The following HDGFL2 variants were observed in gnomAD, a reference collection of about 807,000 sequenced individuals.
The protein encoded by HDGFL2 is hepatoma-derived growth factor-related protein 2.
A neutral mutation model predicts 77.1 loss-of-function variants in HDGFL2; 36 were observed. That is an observed-to-expected ratio of 0.47 (90% CI 0.36 to 0.62). The LOEUF is 0.62. HDGFL2 is among the 20% of genes least tolerant of loss of function. The probability of loss-of-function intolerance (pLI) is 0.00; values close to 1 mark genes in which losing one functional copy is unlikely to be tolerated. For missense variants in HDGFL2, 976 were observed against 973.4 expected (o/e 1.00, Z -0.04); for synonymous variants, 463 against 413.1 (o/e 1.12, Z -1.46).
At chr19:4,493,243 A>C (rs1401141412) in intron 6 of HDGFL2, among the ~76,000 whole-genome samples, 1 of 67,960 alleles carries the variant, frequency 1.5e-5, no homozygotes, top group Admixed American at 1.8e-4. Flanking sequence ...TCTGTGTGGT[A>C]TGTGTGTTGT....
intron 11 of HDGFL2, 55 bp from the exon 12 acceptor site, chr19:4,498,251 G>C (rs1975761467): frequency 6.7e-7 from 1 of 1,497,614 alleles, no homozygotes; most frequent in African/African-American, 1.4e-5. Flanking sequence ...CCCTTGAACA[G>C]CTGGCCCCCT....
At chr19:4,499,455 A>C in intron 13 of HDGFL2, 36 bp from the exon 14 acceptor site, 2 of 1,597,090 alleles carry the variant, frequency 1.3e-6, no homozygotes, top group Non-Finnish European at 1.7e-6. Flanking sequence ...GGGCCGCTGC[A>C]CTTGGGTGAG....
chr19:4,492,849 T>TGATA (rs1555687380), intron 6 of HDGFL2, among the ~76,000 whole-genome samples: 38 of 148,412 alleles, frequency 2.6e-4, no homozygotes, highest in African/African-American at 5.0e-4. Context: ...GGTGTGTGTG[T>TGATA]TGTCTGTGTG....
intron 1 of HDGFL2, among the ~76,000 whole-genome samples, chr19:4,473,940 G>T (rs888966571): frequency 2.6e-5 from 4 of 151,950 alleles, no homozygotes; most frequent in Admixed American, 2.0e-4. Flanking sequence ...TGGCCGAGGG[G>T]ACCTTGGATG....
intron 3 of HDGFL2, among the ~76,000 whole-genome samples, chr19:4,478,763 C>T (rs1338667534): frequency 6.6e-6 from 1 of 151,704 alleles, no homozygotes; most frequent in Non-Finnish European, 1.5e-5. Flanking sequence ...CTCACTGCAA[C>T]CTCTGTCTCC....
chr19:4,491,593 G>T lies in HDGFL2; in HGVS notation c.517G>T (p.Ala173Ser), dbSNP rs1044962876. The T allele has an allele frequency of 3.1e-6, 5 of 1,613,760 alleles. No individual in the cohort carries two copies. In the African/African-American group the frequency reaches 5.3e-5, roughly 17 times the overall value. The change falls in exon 5 of 16, where the codon GCC becomes TCC. Residue 173 changes from alanine to serine, a missense_variant. Coordinates refer to ENST00000616600, the MANE Select transcript of HDGFL2 (RefSeq NM_001001520.3). ...GTCGGTCTCGAAACGAGCCCGAAAG[G>T]CCTCCAGCGACCTGGATCAGGCCAG... ...KMSVSKRARK[A>S]SSDLDQASVS...
At position 4,499,644 on chromosome 19, in the gene HDGFL2, G is replaced by C; in HGVS notation, c.1729G>C (p.Gly577Arg). 1.9e-6 allele frequency: 3 copies of C among 1,585,022 alleles called. No homozygotes were observed. Among genetic ancestry groups the C allele is most frequent in the Admixed American group, 1.8e-5 (1 of 55,100 alleles). Residue 577 changes from glycine (G) to arginine (R), a missense_variant, in exon 14 of 16, where the codon GGG becomes CGG. Gly to Arg is a moderately radical substitution (Grantham distance 125, BLOSUM62 -2). This residue lies in a region of HDGFL2 where 229 missense variants were observed against 187.3 expected (regional missense o/e 1.22). Transcript: ENST00000616600. ...EKEKAEEKLA[G>R]EELAGEEAPQ... is the part of the protein sequence containing the mutation. The stretch of plus-strand genomic sequence containing the variant: ...GGAGAAGGCCGAGGAGAAGCTGGCC[G>C]GGGAGGAGCTGGCCGGGGAGGAGGC...
At chr19:4,499,213 G>A (rs1424557459) in intron 13 of HDGFL2, among the ~76,000 whole-genome samples, 1 of 152,152 alleles carries the variant, frequency 6.6e-6, no homozygotes, top group African/African-American at 2.4e-5. Context: ...AGGTGTGGTG[G>A]CGCACGCCTG....
rs1425866998 is a variant in HDGFL2 at position 4,478,883 on chromosome 19, C to A, written c.288+3300C>A. On this transcript the variant is annotated intron_variant, in intron 3 of 15. Coordinates refer to ENST00000616600, the MANE Select transcript of HDGFL2 (RefSeq NM_001001520.3). ...GTATTTTTAGTAGAGACGGGTTTCA[C>A]CATATTGACCAGGCTGGTCTCGAAC... Among the ~76,000 whole-genome samples, 9 of 151,720 alleles carry A rather than the reference C, an allele frequency of 5.9e-5. No homozygotes were observed. In the East Asian group the frequency reaches 1.8e-3, roughly 30 times the overall value.
intron 3 of HDGFL2, among the ~76,000 whole-genome samples, chr19:4,484,820 C>T (rs1292055548): frequency 3.9e-5 from 6 of 151,980 alleles, no homozygotes; most frequent in East Asian, 3.9e-4. Context: ...TACAGGCACC[C>T]GCCACCATGC....
In HDGFL2 at chr19:4,496,675, G is replaced by T. The variant is rs375917360; in HGVS notation, c.1328+270G>T. Among the ~76,000 whole-genome samples, 11 of 152,182 alleles carry T rather than the reference G, an allele frequency of 7.2e-5. No homozygotes were observed. The East Asian group carries it at 1.7e-3, about 24-fold the overall frequency. On this transcript the variant is annotated intron_variant, in intron 10 of 15. Transcript: ENST00000616600. ...ACATCTGTGGTTGTCATGACTGGGG[G>T]GTGCTCCTGGCATGGAGCGGGTGGA...
At chr19:4,478,961 G>C (rs368676799) in intron 3 of HDGFL2, among the ~76,000 whole-genome samples, 28 of 151,904 alleles carry the variant, frequency 1.8e-4, no homozygotes, top group African/African-American at 6.5e-4. Context: ...GGGATTACAG[G>C]CGTGAGCCAC....
At chr19:4,472,990 T>G (rs1440446251) in intron 1 of HDGFL2, among the ~76,000 whole-genome samples, 1 of 147,680 alleles carries the variant, frequency 6.8e-6, no homozygotes, top group Non-Finnish European at 1.5e-5. Context: ...ATGAGGGTTT[T>G]GGGGCTCAGA....
intron 4 of HDGFL2, 143 bp downstream of exon 4, chr19:4,489,019 T>C (rs1975438149): frequency 7.8e-6 from 5 of 640,246 alleles, no homozygotes; most frequent in Non-Finnish European, 1.3e-5. Flanking sequence ...AGTGGCGTGA[T>C]CTCGACTCGC....
At position 4,498,310 on chromosome 19, in the gene HDGFL2, C is replaced by T. The variant is rs1406681343; in HGVS notation, c.1407C>T (p.Pro469=). 9 of 1,613,414 alleles carry T rather than the reference C, an allele frequency of 5.6e-6. No homozygotes were observed. The South Asian group carries it at 6.6e-5, about 12-fold the overall frequency. Residue 469 remains proline (P), a synonymous_variant, in exon 12 of 16, where the codon CCC becomes CCT. Coordinates refer to ENST00000616600, the MANE Select transcript of HDGFL2 (RefSeq NM_001001520.3). The part of the protein sequence containing the change: ...MDRKVEKKKE[P]SVEEKLQKLH... ...GTGCTCTCTCTCCTGGCCCAGAGCC[C>T]TCCGTGGAGGAGAAGCTGCAGAAGC...
intron 4 of HDGFL2, among the ~76,000 whole-genome samples, chr19:4,491,282 C>G: frequency 7.8e-6 from 1 of 128,166 alleles, no homozygotes; most frequent in Admixed American, 7.7e-5. Flanking sequence ...CCCCCACCCC[C>G]CCCGGCGCAG....
intron 3 of HDGFL2, among the ~76,000 whole-genome samples, chr19:4,485,496 T>C (rs1463267290): frequency 6.6e-6 from 1 of 152,068 alleles, no homozygotes; most frequent in East Asian, 1.9e-4. Context: ...CTCAGCACTT[T>C]GGGAGGCCGA....
chr19:4,480,913 G>C (rs1047797558), intron 3 of HDGFL2, among the ~76,000 whole-genome samples: 1 of 151,458 alleles, frequency 6.6e-6, no homozygotes, highest in African/African-American at 2.4e-5. Context: ...CTGGAGTGCA[G>C]TGGCATGATC....
chr19:4,488,940 T>G, intron 4 of HDGFL2, 64 bp downstream of exon 4: 2 of 1,190,286 alleles, frequency 1.7e-6, no homozygotes, highest in Non-Finnish European at 2.3e-6. Flanking sequence ...CCTGGCAGCT[T>G]GCTCTCCTGC....
Sources: allele counts gnomAD v4.1 joint callset (sites outside exome capture counted in the v4.1 genomes callset), GRCh38; gene constraint gnomAD v4.1.1; regional missense constraint gnomAD v4.1.1; transcripts MANE v1.5; gene names NCBI Gene and HGNC (gene_info 2026-07-23, HGNC 2026-07-21).